Variants in PRAG1 observed in about 807,000 individuals in gnomAD.
PRAG1 encodes PEAK1 related, kinase-activating pseudokinase 1.
Under a neutral mutation model 95.6 loss-of-function variants are expected in PRAG1, and 110 were observed. The ratio of observed to expected loss-of-function variants is 1.15; its 90% CI spans 0.99 to 1.35. The LOEUF is 1.35. Among genes scored for constraint, PRAG1 ranks in the 40% most tolerant of loss-of-function variants. The pLI, the probability that PRAG1 is intolerant of heterozygous loss-of-function variation, is 0.00. For missense variants in PRAG1, 2,554 were observed against 1,864.7 expected (o/e 1.37, Z -6.81); for synonymous variants, 1,052 against 819.4 (o/e 1.28, Z -4.85).
At chr8:8,352,014 T>C (rs1585249253) in intron 3 of PRAG1, among the ~76,000 whole-genome samples, 1 of 152,330 alleles carries the variant, frequency 6.6e-6, no homozygotes, top group East Asian at 1.9e-4. Flanking sequence ...GTTTCTAGAC[T>C]AATGGTTTTG....
chr8:8,349,227 T>C (rs1234522444), intron 3 of PRAG1, among the ~76,000 whole-genome samples: 2 of 152,136 alleles, frequency 1.3e-5, no homozygotes, highest in African/African-American at 4.8e-5. Context: ...GAAAGGCAGA[T>C]AACTAAGCTA....
intron 3 of PRAG1, among the ~76,000 whole-genome samples, chr8:8,372,570 T>G (rs2945856): frequency 6.6e-6 from 1 of 152,102 alleles, no homozygotes; most frequent in African/African-American, 2.4e-5. Flanking sequence ...CCGCCTGGGT[T>G]GGAGGGTTGG....
intron 3 of PRAG1, among the ~76,000 whole-genome samples, chr8:8,370,362 G>A (rs1219608453): frequency 6.6e-6 from 1 of 152,178 alleles, no homozygotes; most frequent in Non-Finnish European, 1.5e-5. Context: ...GTGTATCTGT[G>A]GGGGCCACTG....
In PRAG1 at chr8:8,328,007, C is replaced by T. The variant is rs765060379; in HGVS notation, c.2775G>A (p.Val925=). 4 of 1,588,194 alleles carry T rather than the reference C, an allele frequency of 2.5e-6. No individual in the cohort carries two copies. Among genetic ancestry groups the T allele is most frequent in the Non-Finnish European group, 2.6e-6 (3 of 1,165,998 alleles). The change falls in exon 5 of 6, where the codon GTG becomes GTA. Residue 925 remains valine (V), a synonymous_variant. Transcript: ENST00000615670. ...APSASSSQLS[V]SSQASTGSTQ... ...TGCTCCCGGTGGAGGCTTGACTGGA[C>T]ACGCTCAGCTGGGAGGATGAGGCGG...
chr8:8,358,942 A>G (rs1799765784), intron 3 of PRAG1, among the ~76,000 whole-genome samples: 1 of 152,244 alleles, frequency 6.6e-6, no homozygotes, highest in South Asian at 2.1e-4. Context: ...CAAATAAGGA[A>G]GGGATATAAG....
chr8:8,377,264 C>A lies in PRAG1; in HGVS notation c.1145G>T (p.Cys382Phe). 2 of 1,612,888 alleles carry A rather than the reference C, an allele frequency of 1.2e-6. No homozygotes were observed. The highest frequency in any genetic ancestry group is 1.7e-6 in the Non-Finnish European group (2 of 1,179,982). ...GCATCTGCTAGGGGTCACCCCTGGG[C>A]AGCCAGGGTCCTGCTGCTTCTCTGG... ...PAPEKQQDPG[C>F]PGVTPSRCLG... The change falls in exon 3 of 6, where the codon TGC becomes TTC. Residue 382 changes from cysteine (C) to phenylalanine (F), a missense_variant. Physicochemically the swap from Cys to Phe is radical, Grantham distance 205 (BLOSUM62 -2). Coordinates refer to ENST00000615670, the MANE Select transcript of PRAG1 (RefSeq NM_001080826.3).
chr8:8,350,689 G>A (rs1030381141), intron 3 of PRAG1, among the ~76,000 whole-genome samples: 1 of 152,170 alleles, frequency 6.6e-6, no homozygotes, highest in Non-Finnish European at 1.5e-5. Flanking sequence ...GAACACTGGT[G>A]CTTCACGGCC....
rs1428879046 is a variant in PRAG1, at chr8:8,377,838, C to G, written c.571G>C (p.Glu191Gln). The change falls in exon 3 of 6, where the codon GAA (glutamate) becomes CAA (glutamine). Residue 191 changes from glutamate to glutamine, a missense_variant. Physicochemically the swap from Glu to Gln is conservative, Grantham distance 29 (BLOSUM62 2). Coordinates refer to ENST00000615670, the MANE Select transcript of PRAG1 (RefSeq NM_001080826.3). ...SFPEEKAVHK[E>Q]KPSFPYQDRP... The stretch of plus-strand genomic sequence containing the variant: ...TCTTGGTAAGGAAATGAGGGTTTTT[C>G]TTTGTGCACAGCCTTCTCCTCCGGG... The G allele has an allele frequency of 1.9e-6, 3 of 1,614,034 alleles. No individual in the cohort carries two copies. The highest frequency in any genetic ancestry group is 2.5e-6 in the Non-Finnish European group (3 of 1,180,046).
intron 5 of PRAG1, among the ~76,000 whole-genome samples, chr8:8,323,849 C>T (rs147943544): frequency 9.7e-4 from 148 of 152,260 alleles, no homozygotes; most frequent in Non-Finnish European, 8.5e-4. Context: ...TTCCCTTACA[C>T]GTATCCAGAA....
intron 1 of PRAG1, among the ~76,000 whole-genome samples, chr8:8,385,235 T>TGGCCAG (rs1800809805): frequency 6.6e-6 from 1 of 152,202 alleles, no homozygotes; most frequent in African/African-American, 2.4e-5. Context: ...CACACTCCAC[T>TGGCCAG]GGCCAGGGCT....
At chr8:8,376,149 C>G (rs989816464) in intron 3 of PRAG1, 98 bp downstream of exon 3, 4 of 1,491,770 alleles carry the variant, frequency 2.7e-6, no homozygotes, top group African/African-American at 2.8e-5. Context: ...TGGGCAGATT[C>G]TGGGACCTGG....
At position 8,377,257 on chromosome 8, in the gene PRAG1, C is replaced by T. The variant is rs1563256746; in HGVS notation, c.1152G>A (p.Gly384=). ...PEKQQDPGCP[G]VTPSRCLGLT... ...GCCCAAGGCATCTGCTAGGGGTCAC[C>T]CCTGGGCAGCCAGGGTCCTGCTGCT... The change falls in exon 3 of 6, where the codon GGG becomes GGA. Residue 384 remains glycine (G), a synonymous_variant. Coordinates refer to ENST00000615670, the MANE Select transcript of PRAG1 (RefSeq NM_001080826.3). 6.2e-7 allele frequency: 1 copy of T among 1,612,862 alleles called. No individual in the cohort carries two copies. The highest frequency in any genetic ancestry group is 8.5e-7 in the Non-Finnish European group (1 of 1,179,960).
intron 3 of PRAG1, among the ~76,000 whole-genome samples, chr8:8,354,725 C>T (rs1312285681): frequency 6.6e-6 from 1 of 152,092 alleles, no homozygotes; most frequent in African/African-American, 2.4e-5. Flanking sequence ...GTACAGCATC[C>T]TTTCTTGATA....
intron 3 of PRAG1, among the ~76,000 whole-genome samples, chr8:8,360,997 G>A (rs1292903850): frequency 1.3e-5 from 2 of 152,078 alleles, no homozygotes; most frequent in Non-Finnish European, 2.9e-5. Context: ...TTCTTCCCCT[G>A]AAAAGAGGAT....
At position 8,376,311 on chromosome 8, in the gene PRAG1, C is replaced by CA; in HGVS notation, c.2097dup (p.Glu700Ter). On this transcript the variant is annotated frameshift_variant, in exon 3 of 6. Transcript: ENST00000615670. LOFTEE classifies it high-confidence loss of function. ...ATCCCACTTCTGTCCTTGGGGAACT[C>CA]AAAGGCAAAAGAGGCGGATTTGCTC... 3.1e-6 allele frequency: 5 copies of CA among 1,614,162 alleles called. No individual in the cohort carries two copies. The highest frequency in any genetic ancestry group is 4.2e-6 in the Non-Finnish European group (5 of 1,180,046).
At chr8:8,379,062 G>A (rs1800544914) in intron 2 of PRAG1, among the ~76,000 whole-genome samples, 1 of 151,500 alleles carries the variant, frequency 6.6e-6, no homozygotes, top group African/African-American at 2.4e-5. Flanking sequence ...CAGAGTGAGG[G>A]GTGGTTTCTG....
chr8:8,367,146 G>A (rs1800033997), intron 3 of PRAG1, among the ~76,000 whole-genome samples: 1 of 152,112 alleles, frequency 6.6e-6, no homozygotes, highest in Non-Finnish European at 1.5e-5. Context: ...CATGGAGGAT[G>A]CAACCCAAGT....
At chr8:8,358,953 C>G (rs987842538) in intron 3 of PRAG1, among the ~76,000 whole-genome samples, 1 of 152,214 alleles carries the variant, frequency 6.6e-6, no homozygotes, top group Non-Finnish European at 1.5e-5. Flanking sequence ...GGGATATAAG[C>G]TGTGACCTGG....
intron 3 of PRAG1, among the ~76,000 whole-genome samples, chr8:8,368,138 C>A (rs960254481): frequency 7.9e-5 from 12 of 152,142 alleles, no homozygotes; most frequent in African/African-American, 2.7e-4. Context: ...AACCAAACTA[C>A]TGGGAAGTTG....
Sources: allele counts gnomAD v4.1 joint callset (sites outside exome capture counted in the v4.1 genomes callset), GRCh38; gene constraint gnomAD v4.1.1; transcripts MANE v1.5; gene names NCBI Gene and HGNC (gene_info 2026-07-23, HGNC 2026-07-21).